The following RABGEF1 variants were observed in gnomAD, a reference collection of about 807,000 sequenced individuals.
The protein encoded by RABGEF1 is RAB guanine nucleotide exchange factor 1, also known as rab5 GDP/GTP exchange factor.
A neutral mutation model predicts 57.3 loss-of-function variants in RABGEF1; 26 were observed. The ratio of observed to expected loss-of-function variants is 0.45; its 90% confidence interval spans 0.33 to 0.63. The LOEUF is 0.63. RABGEF1 is among the 20% of genes least tolerant of loss of function. The probability of loss-of-function intolerance (pLI) is 0.02; values close to 1 mark genes in which losing one functional copy is unlikely to be tolerated. For missense variants in RABGEF1, 464 were observed against 607.6 expected, an observed-to-expected ratio of 0.76 and a Z score of 2.48; for synonymous variants, 185 against 210.7, an observed-to-expected ratio of 0.88 and a Z score of 1.06.
At chr7:66,679,608 C>T (rs535285426), upstream of RABGEF1, among the ~76,000 whole-genome samples, 7 of 152,176 alleles carry the variant, frequency 4.6e-5, no homozygotes, top group East Asian at 1.9e-4. Context: ...TGTGAGCCAC[C>T]ACACCCAGCC....
chr7:66,796,621 ATCAC>A (rs765868940), intron 5 of RABGEF1, among the ~76,000 whole-genome samples: 35 of 152,166 alleles, frequency 2.3e-4, no homozygotes, highest in Non-Finnish European at 2.9e-4. Flanking sequence ...GAGACAGAAT[ATCAC>A]TCTGTCGTCC....
intron 1 of RABGEF1, among the ~76,000 whole-genome samples, chr7:66,763,204 G>A (rs1273134396): frequency 2.0e-5 from 3 of 152,138 alleles, no homozygotes; most frequent in Non-Finnish European, 4.4e-5. Flanking sequence ...TAGATTAGAG[G>A]TTCAAGCAGG....
At chr7:66,790,417 A>C (rs542615305) in intron 4 of RABGEF1, among the ~76,000 whole-genome samples, 2 of 152,242 alleles carry the variant, frequency 1.3e-5, no homozygotes, top group East Asian at 3.9e-4. Flanking sequence ...CACACATGAA[A>C]ACCCAGCGTG....
upstream of RABGEF1, among the ~76,000 whole-genome samples, chr7:66,735,983 C>G (rs1369922100): frequency 6.6e-6 from 1 of 152,058 alleles, no homozygotes; most frequent in African/African-American, 2.4e-5. Flanking sequence ...AAACATCAGC[C>G]TTATTATTGA....
chr7:66,681,034 G>T (rs189040351), upstream of RABGEF1, among the ~76,000 whole-genome samples: 50 of 151,674 alleles, frequency 3.3e-4, no homozygotes, highest in East Asian at 8.0e-3. Flanking sequence ...AGTGAGCCGA[G>T]ATCACACCAC....
intron 1 of RABGEF1, among the ~76,000 whole-genome samples, chr7:66,685,290 A>G (rs1420901372): frequency 6.7e-6 from 1 of 150,272 alleles, no homozygotes; most frequent in Non-Finnish European, 1.5e-5. Flanking sequence ...AGTACCTGGG[A>G]ATATAGGCAC....
intron 7 of RABGEF1, among the ~76,000 whole-genome samples, chr7:66,803,471 G>A (rs1787754042): frequency 6.6e-6 from 1 of 152,222 alleles, no homozygotes; most frequent in Non-Finnish European, 1.5e-5. Context: ...AACCCCAGAG[G>A]TACGCTGCCT....
rs1366607878 is a variant in RABGEF1, at chr7:66,805,009, T to C, written c.821-131T>C. 4.9e-6 allele frequency: 5 copies of C among 1,029,326 alleles called. No individual in the cohort carries two copies. In the African/African-American group the frequency reaches 4.9e-5, roughly 10 times the overall value. The allele number at this position is 1,029,326 out of a possible 1,614,324, so 63.8% of individuals were successfully genotyped here. On this transcript the variant is annotated intron_variant, in intron 7 of 8. Transcript: ENST00000284957. ...AGATCATATTTACTAAGTTATTATATACTAAGTTAACTGCTGGAAAAGGGG... is the reference window on the plus strand; with the variant it reads ...AGATCATATTTACTAAGTTATTATACACTAAGTTAACTGCTGGAAAAGGGG...
At chr7:66,776,836 T>G (rs1452448727) in intron 3 of RABGEF1, among the ~76,000 whole-genome samples, 4 of 152,238 alleles carry the variant, frequency 2.6e-5, no homozygotes, top group Non-Finnish European at 5.9e-5. Context: ...AAGAATGTAT[T>G]GGGCTCATGA....
At chr7:66,769,754 C>G (rs1806621527) in intron 1 of RABGEF1, among the ~76,000 whole-genome samples, 1 of 152,188 alleles carries the variant, frequency 6.6e-6, no homozygotes, top group Admixed American at 6.5e-5. Flanking sequence ...TTTTCAGGAG[C>G]TTTCAGTGGT....
the RABGEF1 span, among the ~76,000 whole-genome samples, chr7:66,674,613 TAATA>T: frequency 6.6e-6 from 1 of 152,070 alleles, no homozygotes; most frequent in African/African-American, 2.4e-5. Context: ...TAATAAATAA[TAATA>T]AATAATAAAA....
At chr7:66,742,435 C>T (rs1468930733) in intron 1 of RABGEF1, among the ~76,000 whole-genome samples, 1 of 152,060 alleles carries the variant, frequency 6.6e-6, no homozygotes, top group East Asian at 1.9e-4. Flanking sequence ...AGATGGAGCA[C>T]CGAGGAAGGA....
intron 2 of RABGEF1, among the ~76,000 whole-genome samples, chr7:66,725,056 T>C (rs1796444446): frequency 6.6e-6 from 1 of 152,230 alleles, no homozygotes; most frequent in African/African-American, 2.4e-5. Flanking sequence ...CTTGAACATA[T>C]TTCTATAGCC....
chr7:66,805,845 A>G (rs1788310533), intron 8 of RABGEF1, among the ~76,000 whole-genome samples: 1 of 151,964 alleles, frequency 6.6e-6, no homozygotes. Flanking sequence ...CCTGGGCTCA[A>G]GCAATCCTCT....
At chr7:66,788,521 T>A (rs1324166348) in intron 4 of RABGEF1, among the ~76,000 whole-genome samples, 1 of 152,202 alleles carries the variant, frequency 6.6e-6, no homozygotes, top group East Asian at 1.9e-4. Flanking sequence ...TTTATTTTTT[T>A]AATTTGTATT....
chr7:66,694,638 A>G (rs1221849302), intron 1 of RABGEF1, among the ~76,000 whole-genome samples: 2 of 152,228 alleles, frequency 1.3e-5, no homozygotes, highest in Non-Finnish European at 1.5e-5. Context: ...CGTGGATGTC[A>G]CGATACCCCG....
the RABGEF1 span, among the ~76,000 whole-genome samples, chr7:66,670,898 C>T: frequency 5.5e-4 from 81 of 147,932 alleles, no homozygotes; most frequent in African/African-American, 2.0e-3. Context: ...TACGTATACA[C>T]ACACACACAC....
At chr7:66,659,534 C>G in the RABGEF1 span, among the ~76,000 whole-genome samples, 1 of 151,516 alleles carries the variant, frequency 6.6e-6, no homozygotes, top group Non-Finnish European at 1.5e-5. Context: ...AATCCCAGCA[C>G]TTTGGGAGGC....
At chr7:66,775,140 C>A (rs1398884475) in intron 2 of RABGEF1, 87 bp from the exon 3 acceptor site, 3 of 1,387,908 alleles carry the variant, frequency 2.2e-6, no homozygotes, top group Non-Finnish European at 2.9e-6. Context: ...ATCTTTAGAT[C>A]CTCCTGAATT....
Sources: allele counts gnomAD v4.1 joint callset (sites outside exome capture counted in the v4.1 genomes callset), GRCh38; gene constraint gnomAD v4.1.1; transcripts MANE v1.5; gene names NCBI Gene and HGNC (gene_info 2026-07-23, HGNC 2026-07-21).